The following PALM2AKAP2 variants were observed in gnomAD, a reference collection of about 807,000 sequenced individuals.
The protein encoded by PALM2AKAP2 is PALM2 and AKAP2 fusion.
PALM2AKAP2 carries 37 observed loss-of-function variants against 71.5 expected under a neutral mutation model. That is an observed-to-expected ratio of 0.52 (90% CI 0.40 to 0.68). The LOEUF (loss-of-function observed/expected upper bound fraction) is 0.68. Ranked by LOEUF, PALM2AKAP2 falls within the 30% of genes least tolerant of loss-of-function variation. The probability of loss-of-function intolerance (pLI) is 0.00; values close to 1 mark genes in which losing one functional copy is unlikely to be tolerated. For synonymous variants in PALM2AKAP2, 468 were observed against 478.8 expected, an observed-to-expected ratio of 0.98 and a Z score of 0.29; for missense variants, 1,224 against 1,191.8, an observed-to-expected ratio of 1.03 and a Z score of -0.40.
At chr9:109,943,006 G>T (rs987764582) in intron 6 of PALM2AKAP2, 8 of 1,614,182 alleles carry the variant, frequency 5.0e-6, no homozygotes, top group South Asian at 1.1e-5. Flanking sequence ...CTGCAAAGAA[G>T]CTAAGTTAGA....
intron 1 of PALM2AKAP2, among the ~76,000 whole-genome samples, chr9:109,814,742 A>T (rs1827809925): frequency 6.6e-6 from 1 of 152,246 alleles, no homozygotes; most frequent in South Asian, 2.1e-4. Flanking sequence ...ACACATGTAT[A>T]TCTGACACCA....
At chr9:109,894,812 C>T (rs1052755212) in intron 3 of PALM2AKAP2, among the ~76,000 whole-genome samples, 8 of 152,128 alleles carry the variant, frequency 5.3e-5, no homozygotes, top group Non-Finnish European at 8.8e-5. Flanking sequence ...GACACGGCCT[C>T]GCTCTGTTGC....
chr9:109,749,438 T>G (rs1440633075), intron 1 of PALM2AKAP2, among the ~76,000 whole-genome samples: 3 of 152,038 alleles, frequency 2.0e-5, no homozygotes, highest in African/African-American at 7.2e-5. Context: ...CTTGGGCAAG[T>G]CTTTTTCTCA....
chr9:110,168,287 A>C, intron 3 of PALM2AKAP2, 112 bp from the exon 11 acceptor site: 1 of 1,337,254 alleles, frequency 7.5e-7, no homozygotes, highest in African/African-American at 1.5e-5. Flanking sequence ...GTGCTTTATC[A>C]CTTTCTCCTC....
intron 1 of PALM2AKAP2, among the ~76,000 whole-genome samples, chr9:110,049,711 C>T (rs111958999): frequency 0.038 from 5,858 of 152,230 alleles, 133 homozygotes; most frequent in Middle Eastern, 0.061. Flanking sequence ...AGAACCAGAG[C>T]AAGGAGACAC....
At chr9:109,876,643 C>T (rs1224416654) in intron 2 of PALM2AKAP2, among the ~76,000 whole-genome samples, 1 of 152,102 alleles carries the variant, frequency 6.6e-6, no homozygotes, top group Admixed American at 6.5e-5. Context: ...CCACACCCAG[C>T]TAATTTTTGT....
chr9:109,640,901 C>T (rs1827056562), intron 1 of PALM2AKAP2: 2 of 1,506,988 alleles, frequency 1.3e-6, no homozygotes, highest in South Asian at 2.5e-5. Context: ...CAGCTGCTCT[C>T]CTCTCGGCAT....
intron 6 of PALM2AKAP2, among the ~76,000 whole-genome samples, chr9:109,988,116 G>T (rs1347458770): frequency 1.3e-5 from 2 of 152,182 alleles, no homozygotes; most frequent in African/African-American, 4.8e-5. Flanking sequence ...AGGCAAAACT[G>T]CTTTATAGTA....
chr9:109,984,156 T>G (rs183478362), intron 6 of PALM2AKAP2, among the ~76,000 whole-genome samples: 1 of 152,308 alleles, frequency 6.6e-6, no homozygotes, highest in East Asian at 1.9e-4. Flanking sequence ...CCTATATATT[T>G]TTAATAATAC....
chr9:109,659,128 TG>T (rs1192963774), intron 1 of PALM2AKAP2, among the ~76,000 whole-genome samples: 2 of 149,948 alleles, frequency 1.3e-5, no homozygotes, highest in African/African-American at 5.1e-5. Context: ...ATGGTAAAAA[TG>T]CTATGTAATG....
intron 1 of PALM2AKAP2, among the ~76,000 whole-genome samples, chr9:110,068,438 C>CTGCTCTAGTGGTGGGTCTGAGGTT (rs1217179515): frequency 3.4e-5 from 5 of 149,126 alleles, no homozygotes; most frequent in Non-Finnish European, 2.9e-5. Flanking sequence ...ATAGGAATCT[C>CTGCTCTAGTGGTGGGTCTGAGGTT]TGCTCTAGTG....
intron 1 of PALM2AKAP2, among the ~76,000 whole-genome samples, chr9:109,782,486 A>G (rs1434744592): frequency 4.6e-5 from 7 of 152,128 alleles, no homozygotes; most frequent in Admixed American, 2.0e-4. Flanking sequence ...TTTTCTTGTC[A>G]CCATTCCCTA....
chr9:110,112,202 G>T (rs1190072726), intron 1 of PALM2AKAP2, among the ~76,000 whole-genome samples: 2 of 151,826 alleles, frequency 1.3e-5, no homozygotes, highest in Non-Finnish European at 2.9e-5. Context: ...CCGAGATACA[G>T]CTAAGAGCTC....
chr9:109,932,130 A>C, intron 6 of PALM2AKAP2, 102 bp downstream of exon 6: 1 of 1,240,218 alleles, frequency 8.1e-7, no homozygotes, highest in African/African-American at 1.5e-5. Flanking sequence ...ACATAGGGGG[A>C]GCTCACCTTC....
At chr9:109,964,129 G>C (rs930850546) in intron 6 of PALM2AKAP2, among the ~76,000 whole-genome samples, 2 of 152,248 alleles carry the variant, frequency 1.3e-5, no homozygotes, top group Non-Finnish European at 1.5e-5. Flanking sequence ...TTTGATTTCA[G>C]ATATTGAGAT....
At chr9:109,674,142 A>G (rs1335311404) in intron 1 of PALM2AKAP2, among the ~76,000 whole-genome samples, 2 of 151,820 alleles carry the variant, frequency 1.3e-5, no homozygotes, top group Admixed American at 6.6e-5. Context: ...TTGGTTCCAG[A>G]TACTTTAGCT....
intron 1 of PALM2AKAP2, among the ~76,000 whole-genome samples, chr9:110,070,828 G>A (rs962198848): frequency 2.6e-5 from 4 of 151,698 alleles, no homozygotes; most frequent in African/African-American, 4.8e-5. Context: ...TGTTTTTTTC[G>A]TCTGTAACTG....
intron 1 of PALM2AKAP2, among the ~76,000 whole-genome samples, chr9:110,055,210 T>A (rs919429603): frequency 2.0e-5 from 3 of 150,720 alleles, no homozygotes; most frequent in African/African-American, 7.5e-5. Flanking sequence ...TTATTTATTT[T>A]TTGAGACAGA....
intron 1 of PALM2AKAP2, among the ~76,000 whole-genome samples, chr9:109,828,353 T>G (rs1228437948): frequency 6.6e-6 from 1 of 152,244 alleles, no homozygotes; most frequent in Non-Finnish European, 1.5e-5. Flanking sequence ...CTATTCCTAT[T>G]CTTTGAGTTT....
Sources: gnomAD v4.1 joint callset for allele counts (sites outside exome capture counted in the v4.1 genomes callset) on GRCh38, gnomAD v4.1.1 for gene constraint, MANE v1.5 for transcripts, NCBI Gene and HGNC (gene_info 2026-07-23, HGNC 2026-07-21) for gene names.